SNTG2: variants seen among roughly 807,000 people sequenced by gnomAD.
SNTG2 encodes gamma-2-syntrophin.
SNTG2 carries 74 observed loss-of-function variants against 70.9 expected under a neutral mutation model. The ratio of observed to expected loss-of-function variants is 1.04; its 90% CI spans 0.86 to 1.27. The LOEUF is 1.27. Among genes scored for constraint, SNTG2 ranks in the 50% most tolerant of loss-of-function variants. The pLI, the probability that SNTG2 is intolerant of heterozygous loss-of-function variation, is 0.00. For missense variants in SNTG2, 717 were observed against 690.7 expected, an observed-to-expected ratio of 1.04 and a Z score of -0.43; for synonymous variants, 278 against 273.8, an observed-to-expected ratio of 1.02 and a Z score of -0.15.
chr2:1,320,088 G>T (rs1306922106), intron 16 of SNTG2, among the ~76,000 whole-genome samples: 2 of 152,142 alleles, frequency 1.3e-5, no homozygotes, highest in Non-Finnish European at 2.9e-5. Flanking sequence ...CCTTTTAGTA[G>T]TTGTTGAAAA....
intron 14 of SNTG2, among the ~76,000 whole-genome samples, chr2:1,300,471 C>T (rs1198922346): frequency 6.6e-6 from 1 of 152,172 alleles, no homozygotes. Flanking sequence ...GCATTTCCCC[C>T]TGGACACAAG....
chr2:1,175,659 C>G (rs1258446517), intron 8 of SNTG2, among the ~76,000 whole-genome samples: 1 of 152,150 alleles, frequency 6.6e-6, no homozygotes, highest in Non-Finnish European at 1.5e-5. Flanking sequence ...GAGGATTGTA[C>G]AATTCCATTT....
chr2:1,228,659 G>A (rs1051812529), intron 9 of SNTG2, among the ~76,000 whole-genome samples: 3 of 152,280 alleles, frequency 2.0e-5, no homozygotes, highest in East Asian at 1.9e-4. Context: ...CTGTTGCTCC[G>A]TTCGTTGTCA....
intron 8 of SNTG2, among the ~76,000 whole-genome samples, chr2:1,177,022 C>T (rs1293180672): frequency 6.6e-6 from 1 of 152,172 alleles, no homozygotes; most frequent in African/African-American, 2.4e-5. Context: ...TACAATAATA[C>T]ATGCATGTGT....
chr2:1,064,530 CTA>C (rs1376423303), intron 1 of SNTG2, among the ~76,000 whole-genome samples: 3 of 151,642 alleles, frequency 2.0e-5, no homozygotes, highest in Non-Finnish European at 4.4e-5. Context: ...GACAGCGTGA[CTA>C]TAGAGGATGG....
chr2:1,223,843 A>T (rs1338716139), intron 9 of SNTG2, among the ~76,000 whole-genome samples: 1 of 125,808 alleles, frequency 7.9e-6, no homozygotes, highest in Non-Finnish European at 1.9e-5. Context: ...GGGTGACCTT[A>T]GTTCCACAGA....
At chr2:958,497 ACT>A (rs1476668783) in intron 1 of SNTG2, among the ~76,000 whole-genome samples, 1 of 151,978 alleles carries the variant, frequency 6.6e-6, no homozygotes, top group Admixed American at 6.5e-5. Flanking sequence ...TCATAAAAAG[ACT>A]CTGCAAAGAT....
At chr2:1,088,216 A>G (rs1664800226) in intron 2 of SNTG2, among the ~76,000 whole-genome samples, 1 of 152,230 alleles carries the variant, frequency 6.6e-6, no homozygotes, top group African/African-American at 2.4e-5. Flanking sequence ...TATCAGCATT[A>G]TGTATTTTTC....
chr2:1,170,851 C>T (rs1034128934), intron 7 of SNTG2, among the ~76,000 whole-genome samples: 1 of 152,034 alleles, frequency 6.6e-6, no homozygotes, highest in Non-Finnish European at 1.5e-5. Flanking sequence ...TTTTCCTTCC[C>T]ACCGAGTGGA....
At chr2:1,356,574 G>A (rs1187071299) in intron 16 of SNTG2, among the ~76,000 whole-genome samples, 5 of 152,066 alleles carry the variant, frequency 3.3e-5, no homozygotes, top group Non-Finnish European at 5.9e-5. Context: ...ATTGATTACT[G>A]TGGCTTTGTA....
At chr2:1,317,621 A>C (rs1256179600) in intron 16 of SNTG2, among the ~76,000 whole-genome samples, 113 of 87,188 alleles carry the variant, frequency 1.3e-3, no homozygotes, top group South Asian at 2.2e-3. Flanking sequence ...AGCATTTAGC[A>C]TCAGGTCAGC....
At chr2:1,365,878 G>GA (rs1194501661) in intron 16 of SNTG2, among the ~76,000 whole-genome samples, 1 of 152,182 alleles carries the variant, frequency 6.6e-6, no homozygotes, top group African/African-American at 2.4e-5. Flanking sequence ...AAGCAGCTCC[G>GA]AAAAGCTGAG....
intron 1 of SNTG2, among the ~76,000 whole-genome samples, chr2:1,050,953 ATTT>A (rs1235463732): frequency 1.3e-5 from 2 of 152,170 alleles, no homozygotes; most frequent in African/African-American, 4.8e-5. Context: ...TATTTCAACT[ATTT>A]TTTGTTGCTG....
At chr2:1,249,380 C>T (rs1677628631) in intron 12 of SNTG2, among the ~76,000 whole-genome samples, 1 of 151,958 alleles carries the variant, frequency 6.6e-6, no homozygotes, top group Non-Finnish European at 1.5e-5. Flanking sequence ...AAATAGTAAA[C>T]AAATATACTT....
chr2:1,322,731 A>G (rs1318753798), intron 16 of SNTG2, among the ~76,000 whole-genome samples: 4 of 151,588 alleles, frequency 2.6e-5, no homozygotes, highest in African/African-American at 9.7e-5. Context: ...GTGGTCTTGG[A>G]GGCTCCCCTC....
Position 955,882 on chromosome 2 carries a change from CT to C in SNTG2, c.72+4818del, listed in dbSNP as rs574632596. On this transcript the variant is annotated intron_variant, in intron 1 of 16. Coordinates refer to ENST00000308624, the MANE Select transcript of SNTG2 (RefSeq NM_018968.4). ...GTAGTCTGGGGTCCCAGCTACCCTC[CT>C]TTTAGAAGCTGGTGCCAGGGAGGCC... 1.5e-3 allele frequency among the ~76,000 whole-genome samples: 235 copies of C among 152,334 alleles called. 4 individuals are homozygous for C. The South Asian group carries it at 0.018, about 12-fold the overall frequency.
chr2:1,095,911 T>G (rs2148205313), intron 2 of SNTG2, among the ~76,000 whole-genome samples: 1 of 152,316 alleles, frequency 6.6e-6, no homozygotes, highest in Admixed American at 6.5e-5. Flanking sequence ...CTGTTTGCTG[T>G]GGCACACAGA....
chr2:1,123,529 T>G (rs981792358), intron 4 of SNTG2, among the ~76,000 whole-genome samples: 8 of 152,166 alleles, frequency 5.3e-5, no homozygotes, highest in African/African-American at 1.9e-4. Context: ...AATTGGACTC[T>G]TGTCTTACAC....
intron 1 of SNTG2, among the ~76,000 whole-genome samples, chr2:956,341 G>A (rs781674301): frequency 5.9e-5 from 9 of 152,082 alleles, no homozygotes; most frequent in Non-Finnish European, 8.8e-5. Context: ...ACTCCTCTCT[G>A]CAGCTCAGTC....
Sources: allele counts gnomAD v4.1 joint callset (sites outside exome capture counted in the v4.1 genomes callset), GRCh38; gene constraint gnomAD v4.1.1; transcripts MANE v1.5; gene names NCBI Gene and HGNC (gene_info 2026-07-23, HGNC 2026-07-21).